Variants in CSRNP3 observed in about 807,000 individuals in gnomAD.
The protein encoded by CSRNP3 is cysteine/serine-rich nuclear protein 3.
In CSRNP3, 12 loss-of-function variants were observed where a neutral mutation model predicts 48.0. The ratio of observed to expected loss-of-function variants is 0.25; its 90% confidence interval spans 0.16 to 0.41. The LOEUF (loss-of-function observed/expected upper bound fraction) is 0.41. Among genes scored for constraint, CSRNP3 ranks in the 10% least tolerant of loss-of-function variants. CSRNP3 has a pLI of 1.00. For synonymous variants in CSRNP3, 263 were observed against 269.7 expected, an observed-to-expected ratio of 0.98 and a Z score of 0.24; for missense variants, 580 against 724.4, an observed-to-expected ratio of 0.80 and a Z score of 2.29.
chr2:165,575,257 T>C (rs553570585), intron 3 of CSRNP3, among the ~76,000 whole-genome samples: 2 of 152,322 alleles, frequency 1.3e-5, no homozygotes, highest in Admixed American at 1.3e-4. Context: ...ACTTTTATTG[T>C]TCATATTTTT....
At chr2:165,642,147 C>T (rs1185676520) in intron 4 of CSRNP3, among the ~76,000 whole-genome samples, 1 of 143,638 alleles carries the variant, frequency 7.0e-6, no homozygotes, top group African/African-American at 2.6e-5. Context: ...CACACACACA[C>T]GGTATAATGT....
chr2:165,626,995 T>A lies in CSRNP3; in HGVS notation c.149-30766T>A, dbSNP rs562426299. On this transcript the variant is annotated intron_variant, in intron 4 of 6. Coordinates refer to ENST00000651982, the MANE Select transcript of CSRNP3 (RefSeq NM_001172173.2). ...TGGGATACACATTGCTTATTCCAGC[T>A]TTGTGCTTTTATTTACTTTAGAGAA... Among the ~76,000 whole-genome samples, 6 of 152,316 alleles carry A rather than the reference T, an allele frequency of 3.9e-5. No individual in the cohort carries two copies. The East Asian group carries it at 9.6e-4, about 24-fold the overall frequency.
intron 4 of CSRNP3, among the ~76,000 whole-genome samples, chr2:165,619,305 A>G (rs1686301071): frequency 6.6e-6 from 1 of 152,184 alleles, no homozygotes; most frequent in African/African-American, 2.4e-5. Context: ...TAAAAATTAC[A>G]GGATATTTAT....
chr2:165,530,700 ATT>A (rs1288648952), intron 3 of CSRNP3, among the ~76,000 whole-genome samples: 1 of 152,022 alleles, frequency 6.6e-6, no homozygotes, highest in African/African-American at 2.4e-5. Flanking sequence ...CTGCTTCTCT[ATT>A]TTTAGCACAG....
chr2:165,611,310 C>G (rs996114934), intron 4 of CSRNP3, among the ~76,000 whole-genome samples: 4 of 151,624 alleles, frequency 2.6e-5, no homozygotes, highest in African/African-American at 9.7e-5. Flanking sequence ...AAGATGATAA[C>G]TATGTGAGGC....
intron 3 of CSRNP3, among the ~76,000 whole-genome samples, chr2:165,559,266 G>A (rs899328144): frequency 1.3e-5 from 2 of 152,112 alleles, no homozygotes; most frequent in African/African-American, 2.4e-5. Context: ...AAAGAGCTTG[G>A]TCTGTGAAGG....
chr2:165,506,906 A>G (rs1684433726), intron 2 of CSRNP3, among the ~76,000 whole-genome samples: 1 of 152,298 alleles, frequency 6.6e-6, no homozygotes, highest in African/African-American at 2.4e-5. Flanking sequence ...GAAAGGAGAC[A>G]TGGAATATAT....
chr2:165,548,303 A>G (rs1243952968), intron 3 of CSRNP3, among the ~76,000 whole-genome samples: 1 of 152,064 alleles, frequency 6.6e-6, no homozygotes, highest in East Asian at 1.9e-4. Context: ...CCACTTACTA[A>G]TAGTAGGATC....
intron 4 of CSRNP3, among the ~76,000 whole-genome samples, chr2:165,602,415 C>A (rs1411490566): frequency 6.6e-6 from 1 of 152,180 alleles, no homozygotes; most frequent in South Asian, 2.1e-4. Context: ...TTGGGGTACA[C>A]AATCTGGGAC....
At chr2:165,495,469 C>T (rs1684272599) in intron 2 of CSRNP3, among the ~76,000 whole-genome samples, 1 of 151,996 alleles carries the variant, frequency 6.6e-6, no homozygotes, top group Non-Finnish European at 1.5e-5. Flanking sequence ...CATGTATATA[C>T]TTCTCCCAAG....
chr2:165,653,555 C>T (rs1292562381), intron 4 of CSRNP3, among the ~76,000 whole-genome samples: 2 of 152,096 alleles, frequency 1.3e-5, no homozygotes, highest in African/African-American at 4.8e-5. Flanking sequence ...AAGCATGATG[C>T]AATAGATTCA....
At chr2:165,574,230 G>T (rs895787647) in intron 3 of CSRNP3, 1 of 636,586 alleles carries the variant, frequency 1.6e-6, no homozygotes, top group Non-Finnish European at 2.8e-6. Context: ...CAGCTCGGAG[G>T]CTTTGACTGC....
chr2:165,655,182 C>T (rs1015654610), intron 4 of CSRNP3, among the ~76,000 whole-genome samples: 11 of 152,210 alleles, frequency 7.2e-5, no homozygotes, highest in South Asian at 2.1e-4. Flanking sequence ...AAATCAAAAT[C>T]GTCTTGAAAC....
chr2:165,491,856 C>G (rs1479344107), intron 1 of CSRNP3, among the ~76,000 whole-genome samples: 4 of 131,074 alleles, frequency 3.1e-5, no homozygotes, highest in African/African-American at 1.1e-4. Flanking sequence ...TGCTAGATGA[C>G]GAGTTAGTGG....
chr2:165,616,252 T>G (rs1049385231), intron 4 of CSRNP3, among the ~76,000 whole-genome samples: 3 of 152,214 alleles, frequency 2.0e-5, no homozygotes, highest in Non-Finnish European at 4.4e-5. Flanking sequence ...CTTGGTTCCT[T>G]TCTTACTTTC....
In CSRNP3 at chr2:165,541,392, C is replaced by CT. The variant is rs527649178; in HGVS notation, c.-24+23432dup. 2.6e-5 allele frequency among the ~76,000 whole-genome samples: 4 copies of CT among 152,156 alleles called. No individual in the cohort carries two copies. In the South Asian group the frequency reaches 8.3e-4, roughly 32 times the overall value. ...TCTGTCCCTCAGTGGCTCCTGAGCA[C>CT]TACAGAGGTCGTCCCATAGGACACA... On this transcript the variant is annotated intron_variant, in intron 3 of 6. Coordinates refer to ENST00000651982, the MANE Select transcript of CSRNP3 (RefSeq NM_001172173.2).
intron 4 of CSRNP3, among the ~76,000 whole-genome samples, chr2:165,618,623 A>G (rs911279423): frequency 3.3e-5 from 5 of 152,192 alleles, no homozygotes; most frequent in African/African-American, 7.2e-5. Context: ...TCATAGAACT[A>G]TGTAGCCAGC....
At chr2:165,476,347 A>G (rs1683962668) in intron 1 of CSRNP3, among the ~76,000 whole-genome samples, 1 of 152,210 alleles carries the variant, frequency 6.6e-6, no homozygotes, top group Non-Finnish European at 1.5e-5. Flanking sequence ...CCTCAGGGTA[A>G]AGGTAAGCAG....
rs1397881707 is a variant in CSRNP3 at position 165,666,986 on chromosome 2, A to AG, written c.408+8967dup. 1.6e-4 allele frequency among the ~76,000 whole-genome samples: 14 copies of AG among 89,202 alleles called. 2 individuals carry two copies. Among genetic ancestry groups the AG allele is most frequent in the Non-Finnish European group, 1.9e-4 (7 of 37,454 alleles). 58.5% of individuals were successfully genotyped at this position (89,202 alleles called of 152,430 possible). Reference sequence around the variant, plus strand: ...AGGAAGGAAGGAAAGAGAGAGAGGAAGAAAGAAAGAGAGAGAGAGGAAGGA... The same window carrying AG: ...AGGAAGGAAGGAAAGAGAGAGAGGAAGGAAAGAAAGAGAGAGAGAGGAAGGA... On this transcript the variant is annotated intron_variant, in intron 5 of 6. Coordinates refer to ENST00000651982, the MANE Select transcript of CSRNP3 (RefSeq NM_001172173.2).
Sources: gnomAD v4.1 joint callset for allele counts (sites outside exome capture counted in the v4.1 genomes callset) on GRCh38, gnomAD v4.1.1 for gene constraint, MANE v1.5 for transcripts, NCBI Gene and HGNC (gene_info 2026-07-23, HGNC 2026-07-21) for gene names.